Variants in HIPK3 observed in about 807,000 individuals in gnomAD.
HIPK3 encodes homeodomain interacting protein kinase 3.
In HIPK3, 47 loss-of-function variants were observed where a neutral mutation model predicts 124.2. That is an observed-to-expected ratio of 0.38 (90% CI 0.30 to 0.48). HIPK3 has a LOEUF of 0.48. Among genes scored for constraint, HIPK3 ranks in the 20% least tolerant of loss-of-function variants. The probability of loss-of-function intolerance (pLI) is 0.98; values close to 1 mark genes in which losing one functional copy is unlikely to be tolerated. For missense variants in HIPK3, 1,286 were observed against 1,454.3 expected (o/e 0.88, Z 1.88); for synonymous variants, 482 against 515.2 (o/e 0.94, Z 0.87).
intron 2 of HIPK3, among the ~76,000 whole-genome samples, chr11:33,313,722 G>A (rs143253300): frequency 0.01 from 1,559 of 152,254 alleles, 8 homozygotes; most frequent in Non-Finnish European, 0.015. Flanking sequence ...TTAAGAAATG[G>A]TGTGCTCCAG....
chr11:33,330,369 C>T (rs1852938854), intron 3 of HIPK3, among the ~76,000 whole-genome samples: 1 of 152,154 alleles, frequency 6.6e-6, no homozygotes, highest in South Asian at 2.1e-4. Flanking sequence ...TGCTCTGTCG[C>T]CCAGGCTGGA....
intron 2 of HIPK3, among the ~76,000 whole-genome samples, chr11:33,307,648 C>T (rs954783855): frequency 4.0e-5 from 6 of 150,596 alleles, no homozygotes; most frequent in South Asian, 2.1e-4. Context: ...CCTCATGATC[C>T]GCCCGCCTCG....
At position 33,300,525 on chromosome 11, in the gene HIPK3, C is replaced by T. The variant is rs141959438; in HGVS notation, c.1097+13014C>T. On this transcript the variant is annotated intron_variant, in intron 2 of 16. Transcript: ENST00000303296. ...CTATCAAGTATTTTTAAATTAAGAG[C>T]TATACATTTTTTTAGACATAATGCT... is the stretch of plus-strand genomic sequence containing the variant. Among the ~76,000 whole-genome samples, 657 of 152,190 alleles carry T rather than the reference C, an allele frequency of 4.3e-3. 5 individuals carry two copies. The highest frequency in any genetic ancestry group is 0.015 in the African/African-American group (629 of 41,512).
Position 33,264,049 on chromosome 11 carries a change from A to G in HIPK3, c.-3+6160A>G, listed in dbSNP as rs146493290. ...ATGAATTAAAACTCAGACTTCTGAT[A>G]TCTATGTCTGTCACACAGTCCTTTT... On this transcript the variant is annotated intron_variant, in intron 1 of 16. Transcript: ENST00000303296. Among the ~76,000 whole-genome samples the G allele has an allele frequency of 3.0e-3, 463 of 152,364 alleles. 3 individuals are homozygous for G. The highest frequency in any genetic ancestry group is 0.011 in the African/African-American group (442 of 41,582).
In HIPK3 at chr11:33,337,048, T is replaced by C. The variant is rs544815218; in HGVS notation, c.1222-27T>C. On this transcript the variant is annotated intron_variant, in intron 3 of 16. Transcript: ENST00000303296. ...TGTTCTGTCACATGAAAGAATAAACTATTCTGTTCTGTAAATTATTTTTCA... is the reference window on the plus strand; with the variant it reads ...TGTTCTGTCACATGAAAGAATAAACCATTCTGTTCTGTAAATTATTTTTCA... The C allele has an allele frequency of 1.7e-4, 268 of 1,547,912 alleles. No homozygotes were observed. The South Asian group carries it at 3.0e-3, about 18-fold the overall frequency.
intron 11 of HIPK3, 22 bp downstream of exon 11, chr11:33,348,035 T>G: frequency 1.9e-6 from 3 of 1,613,326 alleles, no homozygotes; most frequent in Non-Finnish European, 2.5e-6. Flanking sequence ...TGCTTTAGCT[T>G]TCCTCTGCAT....
At chr11:33,312,746 G>A (rs1852389214) in intron 2 of HIPK3, among the ~76,000 whole-genome samples, 1 of 152,178 alleles carries the variant, frequency 6.6e-6, no homozygotes, top group Admixed American at 6.5e-5. Context: ...TGACCCTGGG[G>A]AAATCACTCA....
chr11:33,341,531 G>A (rs757165044), intron 7 of HIPK3, 32 bp from the exon 8 acceptor site: 12 of 1,552,398 alleles, frequency 7.7e-6, no homozygotes, highest in African/African-American at 1.4e-5. Context: ...TCATTTAGAA[G>A]ACTGCTCTAT....
Position 33,351,681 on chromosome 11 carries a change from G to A in HIPK3, c.2881G>A (p.Asp961Asn). 6.2e-7 allele frequency: 1 copy of A among 1,614,204 alleles called. No homozygotes were observed. ...TCCGACATCTGACTCTTCCGGGCAT[G>A]ACAGTCCATTTGCAGAGAGCACTTT... ...GSPTSDSSGH[D>N]SPFAESTFVE... The change falls in exon 15 of 17, where the codon GAC (aspartate) becomes AAC (asparagine). Residue 961 changes from aspartate (D) to asparagine (N), a missense_variant. Around this residue, in one of 3 missense-constraint regions of HIPK3, gnomAD observed 810 missense variants for 864.9 expected, o/e 0.94. Transcript: ENST00000303296.
intron 3 of HIPK3, among the ~76,000 whole-genome samples, chr11:33,333,214 G>A (rs1054871890): frequency 6.6e-6 from 1 of 152,212 alleles, no homozygotes; most frequent in Non-Finnish European, 1.5e-5. Flanking sequence ...TGGGATTTGT[G>A]AAGTATGGAA....
intron 2 of HIPK3, among the ~76,000 whole-genome samples, chr11:33,290,894 G>A (rs1270466198): frequency 1.3e-5 from 2 of 152,128 alleles, no homozygotes; most frequent in African/African-American, 4.8e-5. Flanking sequence ...ACGTTCAGAA[G>A]CTATACAATT....
At chr11:33,257,316 TGGCGCTGCGGA>T (rs1850690584), upstream of HIPK3, 22 of 982,874 alleles carry the variant, frequency 2.2e-5, no homozygotes, top group South Asian at 4.7e-5. Context: ...GGGCGGGCGG[TGGCGCTGCGGA>T]GGCGGTGGCC....
intron 1 of HIPK3, among the ~76,000 whole-genome samples, chr11:33,265,897 A>G (rs1321096567): frequency 6.6e-6 from 1 of 151,304 alleles, no homozygotes; most frequent in East Asian, 1.9e-4. Flanking sequence ...CATCCTGGCT[A>G]ACATGGTGAA....
At chr11:33,348,453 A>G (rs1853562926) in intron 12 of HIPK3, 69 bp from the exon 13 acceptor site, 1 of 1,323,294 alleles carries the variant, frequency 7.6e-7, no homozygotes, top group Non-Finnish European at 1.0e-6. Flanking sequence ...CTGGTTTAAC[A>G]AGATACCTTA....
chr11:33,328,655 A>G, intron 3 of HIPK3, 22 bp downstream of exon 3: 2 of 1,608,994 alleles, frequency 1.2e-6, no homozygotes, highest in South Asian at 2.2e-5. Context: ...TGATAATCTA[A>G]TAGAATTGGT....
chr11:33,344,328 T>A (rs1456260490), intron 8 of HIPK3, among the ~76,000 whole-genome samples: 1 of 152,236 alleles, frequency 6.6e-6, no homozygotes, highest in African/African-American at 2.4e-5. Context: ...TTGGTTCTAG[T>A]AATCCCTCCC....
chr11:33,319,964 A>G (rs778230560), intron 2 of HIPK3, among the ~76,000 whole-genome samples: 3 of 152,250 alleles, frequency 2.0e-5, no homozygotes, highest in African/African-American at 7.2e-5. Flanking sequence ...AGGCCTTTCT[A>G]GTAATATGAC....
At chr11:33,304,478 A>G (rs150048577) in intron 2 of HIPK3, among the ~76,000 whole-genome samples, 2,442 of 151,858 alleles carry the variant, frequency 0.016, 73 homozygotes, top group African/African-American at 0.056. Context: ...AATTGCCTGA[A>G]CCCAGGAGGC....
At position 33,287,313 on chromosome 11, in the gene HIPK3, G is replaced by A. The variant is rs1285539449; in HGVS notation, c.899G>A (p.Arg300Gln). ...KFSPLPLKVIRPILQQVATAL... is the reference protein window; with the variant it reads ...KFSPLPLKVIQPILQQVATAL... The stretch of plus-strand genomic sequence containing the variant: ...AGTCCCCTGCCACTAAAAGTGATTC[G>A]GCCCATTCTTCAACAAGTGGCCACT... Residue 300 changes from arginine to glutamine, a missense_variant, in exon 2 of 17, where the codon CGG becomes CAG. This residue lies in a region of HIPK3 where 251 missense variants were observed against 349.1 expected (regional missense o/e 0.72). Transcript: ENST00000303296. 6.2e-7 allele frequency: 1 copy of A among 1,614,018 alleles called. No homozygotes were observed.
Sources: allele counts gnomAD v4.1 joint callset (sites outside exome capture counted in the v4.1 genomes callset), GRCh38; gene constraint gnomAD v4.1.1; regional missense constraint gnomAD v4.1.1; transcripts MANE v1.5; gene names NCBI Gene and HGNC (gene_info 2026-07-23, HGNC 2026-07-21).